The following ROBO2 variants were observed in gnomAD, a reference collection of about 807,000 sequenced individuals.
ROBO2 encodes the protein roundabout homolog 2.
ROBO2 carries 53 observed loss-of-function variants against 160.8 expected under a neutral mutation model. The observed-to-expected ratio is 0.33, with a 90% CI of 0.26 to 0.41. ROBO2 has a LOEUF of 0.41. Ranked by LOEUF, ROBO2 falls within the 10% of genes least tolerant of loss-of-function variation. ROBO2 has a pLI of 1.00. For missense variants in ROBO2, 1,577 were observed against 1,722.4 expected (o/e 0.92, Z 1.49); for synonymous variants, 664 against 611.7 (o/e 1.09, Z -1.26).
intron 2 of ROBO2, among the ~76,000 whole-genome samples, chr3:76,834,322 TAACTACAGGGGCACACTA>T (rs1267615985): frequency 6.6e-6 from 1 of 151,280 alleles, no homozygotes; most frequent in Non-Finnish European, 1.5e-5. Flanking sequence ...CAAGTAGCTG[TAACTACAGGGGCACACTA>T]CCATGCCCTG....
In ROBO2 at chr3:77,143,810, T is replaced by G. The variant is rs534708391; in HGVS notation, c.388+45470T>G. 2.6e-4 allele frequency among the ~76,000 whole-genome samples: 40 copies of G among 152,306 alleles called. No individual in the cohort carries two copies. The East Asian group carries it at 7.6e-3, about 29-fold the overall frequency. On this transcript the variant is annotated intron_variant, in intron 2 of 25. Transcript: ENST00000461745. Reference sequence around the variant, plus strand: ...GACATCCATCATTTCTTGCCCATTTTTTTTTCATATTTTTTAGTATTCTGG... The same window carrying G: ...GACATCCATCATTTCTTGCCCATTTGTTTTTCATATTTTTTAGTATTCTGG...
At chr3:76,526,213 C>T (rs1007539980) in intron 2 of ROBO2, among the ~76,000 whole-genome samples, 7 of 152,092 alleles carry the variant, frequency 4.6e-5, no homozygotes, top group South Asian at 2.1e-4. Context: ...AGAAGCATAG[C>T]GGGGCCAGGG....
intron 2 of ROBO2, among the ~76,000 whole-genome samples, chr3:76,245,473 T>A (rs1312081206): frequency 6.6e-6 from 1 of 152,186 alleles, no homozygotes; most frequent in African/African-American, 2.4e-5. Flanking sequence ...GGGAAAATGA[T>A]CCTAAAATAC....
At chr3:77,340,321 A>G (rs2066930086) in intron 2 of ROBO2, among the ~76,000 whole-genome samples, 1 of 152,132 alleles carries the variant, frequency 6.6e-6, no homozygotes, top group African/African-American at 2.4e-5. Context: ...TCTAAAGAAC[A>G]TATCTTAATG....
At chr3:76,216,737 A>G (rs1703561083) in intron 2 of ROBO2, among the ~76,000 whole-genome samples, 1 of 152,198 alleles carries the variant, frequency 6.6e-6, no homozygotes, top group African/African-American at 2.4e-5. Flanking sequence ...CACTGTCAAC[A>G]TTAGACAGCT....
intron 23 of ROBO2, 24 bp from the exon 25 acceptor site, chr3:77,634,846 C>A (rs1256814652): frequency 3.1e-6 from 5 of 1,611,252 alleles, no homozygotes; most frequent in Non-Finnish European, 3.4e-6. Flanking sequence ...TCTCTAGAAC[C>A]CATTCCCTTT....
At chr3:76,821,829 C>G (rs1161916304) in intron 2 of ROBO2, among the ~76,000 whole-genome samples, 1 of 151,910 alleles carries the variant, frequency 6.6e-6, no homozygotes, top group African/African-American at 2.4e-5. Flanking sequence ...TAAATTGGTC[C>G]TTTTTAACTA....
At chr3:77,306,765 A>G (rs552303488) in intron 2 of ROBO2, among the ~76,000 whole-genome samples, 4 of 152,326 alleles carry the variant, frequency 2.6e-5, no homozygotes, top group South Asian at 2.1e-4. Flanking sequence ...CTCACAACTT[A>G]GTAAATAAAT....
At chr3:76,647,236 T>C (rs1204100575) in intron 2 of ROBO2, among the ~76,000 whole-genome samples, 34 of 152,164 alleles carry the variant, frequency 2.2e-4, no homozygotes, top group Admixed American at 2.2e-3. Flanking sequence ...GCTCTGCAAG[T>C]GCAGGGGGGA....
At chr3:76,110,051 A>G (rs2070151369) in intron 2 of ROBO2, among the ~76,000 whole-genome samples, 1 of 151,024 alleles carries the variant, frequency 6.6e-6, no homozygotes, top group Non-Finnish European at 1.5e-5. Flanking sequence ...ATATATATAT[A>G]TGAATGAATA....
intron 1 of ROBO2, among the ~76,000 whole-genome samples, chr3:77,065,653 T>C (rs903769494): frequency 6.6e-6 from 1 of 152,168 alleles, no homozygotes; most frequent in Non-Finnish European, 1.5e-5. Context: ...AATTTAAACA[T>C]TTCTTAAAAT....
chr3:77,131,217 A>G (rs2075824803), intron 2 of ROBO2, among the ~76,000 whole-genome samples: 1 of 152,082 alleles, frequency 6.6e-6, no homozygotes, highest in African/African-American at 2.4e-5. Context: ...ACACATACAC[A>G]CAAACCTTTC....
chr3:76,308,298 C>T (rs2071414451), intron 2 of ROBO2, among the ~76,000 whole-genome samples: 2 of 149,890 alleles, frequency 1.3e-5, no homozygotes, highest in Non-Finnish European at 3.0e-5. Context: ...AATCGCTTGA[C>T]CCCAGGAAGC....
At chr3:77,515,601 A>C (rs2089929100) in intron 5 of ROBO2, among the ~76,000 whole-genome samples, 1 of 151,670 alleles carries the variant, frequency 6.6e-6, no homozygotes, top group Non-Finnish European at 1.5e-5. Context: ...TATTCTTTGA[A>C]CCCATTAGGA....
chr3:76,603,351 AATATATATATATAT>A (rs71104603), intron 2 of ROBO2, among the ~76,000 whole-genome samples: 7 of 26,406 alleles, frequency 2.7e-4, no homozygotes, highest in Non-Finnish European at 2.9e-4. Flanking sequence ...AAAAAAAAAA[AATATATATATATAT>A]ATATATATAT....
At chr3:77,095,230 T>C (rs2070883793) in intron 1 of ROBO2, among the ~76,000 whole-genome samples, 1 of 152,128 alleles carries the variant, frequency 6.6e-6, no homozygotes, top group Non-Finnish European at 1.5e-5. Flanking sequence ...TGTCCTGATA[T>C]GACAGTACTA....
intron 2 of ROBO2, among the ~76,000 whole-genome samples, chr3:76,467,853 T>A (rs138068988): frequency 1.3e-5 from 2 of 152,288 alleles, no homozygotes; most frequent in Non-Finnish European, 1.5e-5. Context: ...CATGTTGCAT[T>A]TAAGAGTTTT....
chr3:76,477,776 T>C (rs1174073657), intron 2 of ROBO2, among the ~76,000 whole-genome samples: 1 of 152,044 alleles, frequency 6.6e-6, no homozygotes, highest in Non-Finnish European at 1.5e-5. Context: ...AATACCCCTC[T>C]TCCTGCTGTT....
chr3:76,493,162 G>T (rs1171744193), intron 2 of ROBO2, among the ~76,000 whole-genome samples: 1 of 151,574 alleles, frequency 6.6e-6, no homozygotes, highest in Non-Finnish European at 1.5e-5. Context: ...GACTGTTGCT[G>T]TCAACCATCG....
Sources: allele counts gnomAD v4.1 joint callset (sites outside exome capture counted in the v4.1 genomes callset), GRCh38; gene constraint gnomAD v4.1.1; transcripts MANE v1.5; gene names NCBI Gene and HGNC (gene_info 2026-07-23, HGNC 2026-07-21).